The following LNP1 variants were observed in gnomAD, a reference collection of about 807,000 sequenced individuals.
The protein encoded by LNP1 is leukemia NUP98 fusion partner 1.
A neutral mutation model predicts 14.5 loss-of-function variants in LNP1; 12 were observed. That is an observed-to-expected ratio of 0.83 (90% CI 0.53 to 1.34). The LOEUF (loss-of-function observed/expected upper bound fraction) is 1.34, where lower values mean the gene tolerates loss of function less well. Among genes scored for constraint, LNP1 ranks in the 40% most tolerant of loss-of-function variants. The pLI is 0.00. For missense variants in LNP1, 198 were observed against 210.9 expected, an observed-to-expected ratio of 0.94 and a Z score of 0.38; for synonymous variants, 75 against 71.4, an observed-to-expected ratio of 1.05 and a Z score of -0.26.
At position 100,444,834 on chromosome 3, in the gene LNP1, T is replaced by C. The variant is rs766483495; in HGVS notation, c.157-6885T>C. Among the ~76,000 whole-genome samples, 70 of 152,372 alleles carry C rather than the reference T, an allele frequency of 4.6e-4. No homozygotes were observed. In the Middle Eastern group the frequency reaches 0.017, roughly 37 times the overall value. On this transcript the variant is annotated intron_variant, in intron 2 of 3. Transcript: ENST00000383693. ...ATCTATAAAATTTTAATCTTGTCTG[T>C]AAGATATACCTTCCATAAGCCTTTG...
chr3:100,434,534 T>C (rs940015632), intron 2 of LNP1, among the ~76,000 whole-genome samples: 1 of 152,076 alleles, frequency 6.6e-6, no homozygotes, highest in Non-Finnish European at 1.5e-5. Context: ...TTTCTTCTTT[T>C]TTCTTTTTTT....
chr3:100,415,776 G>C (rs1238748218), intron 1 of LNP1, among the ~76,000 whole-genome samples: 1 of 152,178 alleles, frequency 6.6e-6, no homozygotes, highest in African/African-American at 2.4e-5. Flanking sequence ...CACCCTTGAT[G>C]TTATCTTTCA....
chr3:100,441,642 A>G (rs1221113220), intron 2 of LNP1, among the ~76,000 whole-genome samples: 3 of 150,716 alleles, frequency 2.0e-5, no homozygotes, highest in Admixed American at 6.6e-5. Context: ...ATATATATAT[A>G]TATATATATG....
intron 1 of LNP1, among the ~76,000 whole-genome samples, chr3:100,420,741 T>C (rs1318962515): frequency 1.3e-5 from 2 of 152,152 alleles, no homozygotes; most frequent in African/African-American, 2.4e-5. Context: ...CCAGTCTTTA[T>C]CTTACTTTTT....
intron 1 of LNP1, among the ~76,000 whole-genome samples, chr3:100,407,439 C>G (rs918013285): frequency 5.9e-5 from 9 of 152,108 alleles, no homozygotes; most frequent in African/African-American, 2.2e-4. Flanking sequence ...TGTAAGATTT[C>G]TGTTGAGAAA....
chr3:100,416,522 A>G (rs1362838326), intron 1 of LNP1, among the ~76,000 whole-genome samples: 1 of 149,476 alleles, frequency 6.7e-6, no homozygotes, highest in Non-Finnish European at 1.5e-5. Flanking sequence ...TGTTCATTGC[A>G]TTTGGGTTGG....
intron 2 of LNP1, among the ~76,000 whole-genome samples, chr3:100,451,033 G>C (rs1186126001): frequency 6.6e-6 from 1 of 152,188 alleles, no homozygotes; most frequent in African/African-American, 2.4e-5. Flanking sequence ...CATAAAGTTA[G>C]CTTATGCTGG....
At chr3:100,411,354 A>G (rs1008812056) in intron 1 of LNP1, among the ~76,000 whole-genome samples, 4 of 152,228 alleles carry the variant, frequency 2.6e-5, no homozygotes, top group African/African-American at 7.2e-5. Context: ...GATTTAGATG[A>G]TATTTAATGA....
chr3:100,422,570 C>G (rs1288485338), intron 1 of LNP1, among the ~76,000 whole-genome samples: 1 of 152,132 alleles, frequency 6.6e-6, no homozygotes, highest in Non-Finnish European at 1.5e-5. Flanking sequence ...GACAAAGCTA[C>G]AGAGATTTCA....
intron 2 of LNP1, among the ~76,000 whole-genome samples, chr3:100,443,792 T>C (rs1173914288): frequency 6.6e-6 from 1 of 152,232 alleles, no homozygotes; most frequent in African/African-American, 2.4e-5. Flanking sequence ...AACAGATTCT[T>C]ATTGCACTTA....
chr3:100,443,899 T>A (rs1707365658), intron 2 of LNP1, among the ~76,000 whole-genome samples: 1 of 152,202 alleles, frequency 6.6e-6, no homozygotes, highest in South Asian at 2.1e-4. Flanking sequence ...GCTCCAAATT[T>A]TGTTCATAGG....
chr3:100,410,875 G>A (rs1707025746), intron 1 of LNP1, among the ~76,000 whole-genome samples: 1 of 152,214 alleles, frequency 6.6e-6, no homozygotes, highest in Admixed American at 6.5e-5. Context: ...TCCCACTACA[G>A]GCCCAGGGAG....
At chr3:100,414,645 A>G (rs978362552) in intron 1 of LNP1, among the ~76,000 whole-genome samples, 1 of 152,192 alleles carries the variant, frequency 6.6e-6, no homozygotes, top group African/African-American at 2.4e-5. Flanking sequence ...TGGAAGTGAA[A>G]GAGATTTTTC....
chr3:100,450,077 C>A (rs892148399), intron 2 of LNP1, among the ~76,000 whole-genome samples: 4 of 140,366 alleles, frequency 2.8e-5, no homozygotes, highest in African/African-American at 1.1e-4. Flanking sequence ...CGTTTTTCTC[C>A]ACACCATACC....
chr3:100,418,269 G>T (rs1187138545), intron 1 of LNP1, among the ~76,000 whole-genome samples: 37 of 151,332 alleles, frequency 2.4e-4, no homozygotes, highest in Non-Finnish European at 3.5e-4. Flanking sequence ...TGTTGGCCAG[G>T]CTGGTTTCGA....
At chr3:100,403,865 A>G (rs949303037) in intron 1 of LNP1, among the ~76,000 whole-genome samples, 11 of 152,244 alleles carry the variant, frequency 7.2e-5, no homozygotes, top group African/African-American at 2.7e-4. Context: ...TTGTTTTAAA[A>G]TGATGTAATT....
chr3:100,442,362 G>A (rs570264393), intron 2 of LNP1, among the ~76,000 whole-genome samples: 92 of 152,240 alleles, frequency 6.0e-4, no homozygotes, highest in African/African-American at 2.0e-3. Flanking sequence ...TTGAGGATGC[G>A]CACCTGTGAC....
At chr3:100,425,919 A>G (rs1043279901) in intron 1 of LNP1, among the ~76,000 whole-genome samples, 1 of 152,230 alleles carries the variant, frequency 6.6e-6, no homozygotes, top group Admixed American at 6.5e-5. Context: ...CTAACTAAGA[A>G]GAGAGGTGAG....
intron 2 of LNP1, among the ~76,000 whole-genome samples, chr3:100,444,380 C>T (rs947005845): frequency 6.6e-6 from 1 of 152,144 alleles, no homozygotes; most frequent in African/African-American, 2.4e-5. Context: ...ATAGGAGTTT[C>T]CCATACTTCT....
Sources: allele counts gnomAD v4.1 joint callset (sites outside exome capture counted in the v4.1 genomes callset), GRCh38; gene constraint gnomAD v4.1.1; transcripts MANE v1.5; gene names NCBI Gene and HGNC (gene_info 2026-07-23, HGNC 2026-07-21).